Variants in SLCO3A1 observed in about 807,000 individuals in gnomAD.
SLCO3A1 encodes solute carrier organic anion transporter family member 3A1, also known as PGE1 transporter.
SLCO3A1 carries 27 observed loss-of-function variants against 63.1 expected under a neutral mutation model. That is an observed-to-expected ratio of 0.43 (90% CI 0.32 to 0.59). The LOEUF is 0.59. Ranked by LOEUF, SLCO3A1 falls within the 20% of genes least tolerant of loss-of-function variation. The pLI, the probability that SLCO3A1 is intolerant of heterozygous loss-of-function variation, is 0.09. For synonymous variants in SLCO3A1, 473 were observed against 409.9 expected (o/e 1.15, Z -1.86); for missense variants, 773 against 945.8 (o/e 0.82, Z 2.40).
intron 2 of SLCO3A1, among the ~76,000 whole-genome samples, chr15:92,072,202 GT>G (rs1192107638): frequency 0.013 from 1,989 of 148,942 alleles, 41 homozygotes; most frequent in African/African-American, 0.047. Context: ...CTTTTTTTTG[GT>G]TTTTTTTTTT....
chr15:92,114,382 C>T (rs750077932), intron 4 of SLCO3A1, among the ~76,000 whole-genome samples: 11 of 152,084 alleles, frequency 7.2e-5, no homozygotes, highest in East Asian at 1.9e-4. Flanking sequence ...TCTGCTCTTA[C>T]GGGGCGTGGT....
rs537316551 is a variant in SLCO3A1 at position 92,164,379 on chromosome 15, C to G, written c.*1244C>G. ...GCCTTTAAAAGAATCACATTTGAGA[C>G]AACAGGGGATAATGTGATGAATTGC... On this transcript the variant is annotated 3_prime_UTR_variant, in exon 10 of 10. Coordinates refer to ENST00000318445, the MANE Select transcript of SLCO3A1 (RefSeq NM_013272.4). 2 of 985,394 alleles carry G rather than the reference C, an allele frequency of 2.0e-6. No homozygotes were observed. The highest frequency in any genetic ancestry group is 2.3e-4 in the East Asian group (2 of 8,818). 61.0% of individuals were successfully genotyped at this position (985,394 alleles called of 1,614,324 possible).
In SLCO3A1 at chr15:91,854,001, GA is replaced by G; in HGVS notation, c.95del (p.Lys32ArgfsTer18). The stretch of plus-strand genomic sequence containing the variant: ...CGCAGAGGAACAAGAAAAAGAAAAA[GA>G]AGGTGTCCTGCTTTTCCAACATCAA... Reference protein sequence around the residue: ...EAQRNKKKKKKVSCFSNIKIF... With the variant: ...EAQRNKKKKKXVSCFSNIKIF... On this transcript the variant is annotated frameshift_variant, in exon 1 of 10. Transcript: ENST00000318445. LOFTEE classifies it high-confidence loss of function. The surrounding 1 kb of genome is among the most constrained non-coding windows in gnomAD (Gnocchi z 6.4). 6.5e-7 allele frequency: 1 copy of G among 1,543,170 alleles called. No homozygotes were observed. Among genetic ancestry groups the G allele is most frequent in the Non-Finnish European group, 8.7e-7 (1 of 1,144,046 alleles).
chr15:91,939,326 T>C (rs1899532661), intron 2 of SLCO3A1, among the ~76,000 whole-genome samples: 1 of 152,090 alleles, frequency 6.6e-6, no homozygotes, highest in African/African-American at 2.4e-5. Flanking sequence ...GCTGAACCAT[T>C]CATGAGAAAT....
intron 2 of SLCO3A1, among the ~76,000 whole-genome samples, chr15:91,966,633 T>C (rs1008706105): frequency 1.3e-5 from 2 of 152,208 alleles, no homozygotes; most frequent in Non-Finnish European, 2.9e-5. Flanking sequence ...GCAGTGATGA[T>C]GATGTGCTTT....
intron 2 of SLCO3A1, among the ~76,000 whole-genome samples, chr15:92,093,614 A>G (rs1476615092): frequency 6.6e-6 from 1 of 152,182 alleles, no homozygotes; most frequent in African/African-American, 2.4e-5. Context: ...ACCTCAAGTC[A>G]ATGAATGAGT....
intron 2 of SLCO3A1, among the ~76,000 whole-genome samples, chr15:92,077,763 A>G (rs538860161): frequency 6.6e-6 from 1 of 152,302 alleles, no homozygotes; most frequent in Admixed American, 6.5e-5. Flanking sequence ...CAGGTTCTTC[A>G]GCACTCTGCA....
In SLCO3A1 at chr15:91,950,498, G is replaced by T. The variant is rs184196457; in HGVS notation, c.646+34040G>T. ...AGCCCCTGCAGGGGAACGTTGTGCA[G>T]TATGGCAGGCGCACCCCACATGGGT... On this transcript the variant is annotated intron_variant, in intron 2 of 9. Coordinates refer to ENST00000318445, the MANE Select transcript of SLCO3A1 (RefSeq NM_013272.4). This position sits in a 1 kb window ranked among gnomAD's most constrained non-coding sequence, Gnocchi z 4.4. 2.6e-5 allele frequency among the ~76,000 whole-genome samples: 4 copies of T among 152,374 alleles called. No homozygotes were observed. The highest frequency in any genetic ancestry group is 7.2e-5 in the African/African-American group (3 of 41,594).
At chr15:92,052,934 A>G (rs1420636408) in intron 2 of SLCO3A1, among the ~76,000 whole-genome samples, 2 of 152,166 alleles carry the variant, frequency 1.3e-5, no homozygotes, top group Non-Finnish European at 2.9e-5. Flanking sequence ...TATTGTGGCT[A>G]CTAGAAAAAT....
intron 4 of SLCO3A1, among the ~76,000 whole-genome samples, chr15:92,108,689 C>T (rs2047694038): frequency 1.3e-5 from 2 of 152,340 alleles, no homozygotes; most frequent in South Asian, 4.1e-4. Context: ...GCATGTCCAT[C>T]TGCCTTCTCC....
In SLCO3A1 at chr15:92,163,610, C is replaced by T; in HGVS notation, c.*475C>T. On this transcript the variant is annotated 3_prime_UTR_variant, in exon 10 of 10. Transcript: ENST00000318445. The stretch of plus-strand genomic sequence containing the variant: ...ATTGCCAGATTAAGCACTAGTGACA[C>T]ACCCCGTGCCACCCTCTTCCTCCAG... The T allele has an allele frequency of 5.1e-6, 5 of 984,690 alleles. No homozygotes were observed. In the South Asian group the frequency reaches 1.4e-4, roughly 28 times the overall value. 61.0% of individuals were successfully genotyped at this position (984,690 alleles called of 1,614,324 possible). A position where few individuals can be genotyped will look rare whatever the true frequency, so the allele number is the denominator to read the frequency against.
Position 92,163,324 on chromosome 15 carries a change from G to C in SLCO3A1, c.*189G>C, listed in dbSNP as rs186650955. 1.8e-4 allele frequency: 225 copies of C among 1,251,752 alleles called. 1 individual carries two copies. In the African/African-American group the frequency reaches 3.3e-3, roughly 18 times the overall value. The allele number at this position is 1,251,752 out of a possible 1,614,324, so 77.5% of individuals were successfully genotyped here. On this transcript the variant is annotated 3_prime_UTR_variant, in exon 10 of 10. Coordinates refer to ENST00000318445, the MANE Select transcript of SLCO3A1 (RefSeq NM_013272.4). ...CAGAGCCAGACAGGATTCAGAATAA[G>C]GAGAGAATGACATCGTGCGGCAGGG...
chr15:92,151,288 G>A, intron 9 of SLCO3A1: 1 of 311,590 alleles, frequency 3.2e-6, no homozygotes, highest in Non-Finnish European at 5.8e-6. Flanking sequence ...GCACCAAAGG[G>A]GAAAAAAATC....
intron 7 of SLCO3A1, among the ~76,000 whole-genome samples, chr15:92,136,560 C>T (rs1041233113): frequency 2.0e-5 from 3 of 152,146 alleles, no homozygotes; most frequent in Non-Finnish European, 2.9e-5. Context: ...AGAAACATTT[C>T]TCAATTGAAA....
chr15:92,145,348 T>TG (rs976272257), intron 7 of SLCO3A1, among the ~76,000 whole-genome samples: 1 of 152,128 alleles, frequency 6.6e-6, no homozygotes, highest in Non-Finnish European at 1.5e-5. Flanking sequence ...AAGTGAAAGT[T>TG]GGGGAGAAGT....
At chr15:91,898,089 G>A (rs75964219) in intron 1 of SLCO3A1, among the ~76,000 whole-genome samples, 4,101 of 152,232 alleles carry the variant, frequency 0.027, 188 homozygotes, top group African/African-American at 0.095. Context: ...ACATTATAGG[G>A]CTCTGTCATT....
intron 2 of SLCO3A1, among the ~76,000 whole-genome samples, chr15:91,932,749 C>A (rs887376212): frequency 1.3e-5 from 2 of 152,228 alleles, no homozygotes; most frequent in Non-Finnish European, 2.9e-5. Flanking sequence ...GGCCTATTTG[C>A]AGTTATTTCT....
intron 2 of SLCO3A1, among the ~76,000 whole-genome samples, chr15:92,019,928 A>C (rs555626479): frequency 5.9e-5 from 9 of 152,240 alleles, no homozygotes; most frequent in Non-Finnish European, 1.0e-4. Flanking sequence ...AGTGGCCTTC[A>C]TGTCAGGGCA....
At chr15:92,168,913 G>A (rs1052041975), downstream of SLCO3A1, among the ~76,000 whole-genome samples, 2 of 152,074 alleles carry the variant, frequency 1.3e-5, no homozygotes, top group African/African-American at 2.4e-5. Context: ...GATGGAAATG[G>A]GCACATGAGG....
Sources: allele counts gnomAD v4.1 joint callset (sites outside exome capture counted in the v4.1 genomes callset), GRCh38; gene constraint gnomAD v4.1.1; non-coding constraint Gnocchi (gnomAD v3.1); transcripts MANE v1.5; gene names NCBI Gene and HGNC (gene_info 2026-07-23, HGNC 2026-07-21).